COX14: variants seen among roughly 807,000 people sequenced by gnomAD.
COX14 encodes cytochrome c oxidase assembly protein COX14.
Under a neutral mutation model 5.8 loss-of-function variants are expected in COX14, and 3 were observed. The observed-to-expected ratio is 0.51, with a 90% CI of 0.23 to 1.33. COX14 has a LOEUF of 1.33. Ranked by LOEUF, COX14 falls within the 40% of genes most tolerant of loss-of-function variation. The probability of loss-of-function intolerance (pLI) is 0.18; values close to 1 mark genes in which losing one functional copy is unlikely to be tolerated. For missense variants in COX14, 72 were observed against 72.1 expected (o/e 1.00, Z 0.01); for synonymous variants, 25 against 26.1 (o/e 0.96, Z 0.13).
chr12:50,120,153 A>G lies in COX14; in HGVS notation c.110A>G (p.Tyr37Cys), dbSNP rs1158707730. 2 of 1,614,014 alleles carry G rather than the reference A, an allele frequency of 1.2e-6. No individual in the cohort carries two copies. Among genetic ancestry groups the G allele is most frequent in the Non-Finnish European group, 8.5e-7 (1 of 1,180,040 alleles). ...CTCTGCAGTGTCCGAGTCTACCACT[A>G]TTTCCAGTGGCGCAGGGCCCAGCGC... ...GYLCSVRVYHYFQWRRAQRQA... is the reference protein window; with the variant it reads ...GYLCSVRVYHCFQWRRAQRQA... Residue 37 changes from tyrosine (Y) to cysteine (C), a missense_variant, in exon 2 of 2, where the codon TAT becomes TGT. Physicochemically the swap from Tyr to Cys is radical, Grantham distance 194. Transcript: ENST00000550487.
Position 50,120,076 on chromosome 12 carries a change from C to G in COX14, c.33C>G (p.Gly11=). 6.2e-7 allele frequency: 1 copy of G among 1,614,074 alleles called. No homozygotes were observed. Among genetic ancestry groups the G allele is most frequent in the African/African-American group, 1.3e-5 (1 of 75,056 alleles). ...CTGGCAAGCAGCTAGCTGACATTGG[C>G]TATAAGACCTTCTCTACCTCCATGA... is the stretch of plus-strand genomic sequence containing the variant. The part of the protein sequence containing the change: MPTGKQLADI[G]YKTFSTSMML... The change falls in exon 2 of 2, where the codon GGC becomes GGG. Residue 11 remains glycine (G), a synonymous_variant. Transcript: ENST00000550487.
At chr12:50,115,793 C>T (rs1051114008) in intron 1 of COX14, among the ~76,000 whole-genome samples, 6 of 151,916 alleles carry the variant, frequency 3.9e-5, no homozygotes, top group African/African-American at 1.5e-4. Flanking sequence ...CTCAACGATC[C>T]GTCTGTCTTT....
Position 50,112,482 on chromosome 12 carries a change from C to T in COX14, c.-9+181C>T, listed in dbSNP as rs1001360995. On this transcript the variant is annotated intron_variant, in intron 1 of 1. Transcript: ENST00000550487. ...GCACTGCTTCCTGCCCAAGCCCAAGCTCCTCGCAGCAGTAGGTCAGTCTTG... is the reference window on the plus strand; with the variant it reads ...GCACTGCTTCCTGCCCAAGCCCAAGTTCCTCGCAGCAGTAGGTCAGTCTTG... 2.7e-5 allele frequency: 27 copies of T among 985,712 alleles called. No individual in the cohort carries two copies. The African/African-American group carries it at 4.5e-4, about 17-fold the overall frequency. 61.1% of individuals were successfully genotyped at this position (985,712 alleles called of 1,614,324 possible).
chr12:50,113,155 G>A (rs1192593054), intron 1 of COX14, among the ~76,000 whole-genome samples: 2 of 151,864 alleles, frequency 1.3e-5, no homozygotes, highest in East Asian at 3.9e-4. Context: ...GATTACCGGC[G>A]TGAGCCACCG....
Position 50,116,294 on chromosome 12 carries a change from T to C in COX14, c.-8-3742T>C, listed in dbSNP as rs190927466. Reference sequence around the variant, plus strand: ...TTTTAGTAGAGACAGGGTTTTGCCATGTTGGCCAGGCTGGTCTCGAACTCC... The same window carrying C: ...TTTTAGTAGAGACAGGGTTTTGCCACGTTGGCCAGGCTGGTCTCGAACTCC... On this transcript the variant is annotated intron_variant, in intron 1 of 1. Coordinates refer to ENST00000550487, the MANE Select transcript of COX14 (RefSeq NM_032901.4). Among the ~76,000 whole-genome samples, 124 of 152,274 alleles carry C rather than the reference T, an allele frequency of 8.1e-4. 1 individual carries two copies. The highest frequency in any genetic ancestry group is 2.0e-3 in the Admixed American group (30 of 15,294).
At chr12:50,114,085 A>T (rs1378304918) in intron 1 of COX14, among the ~76,000 whole-genome samples, 2 of 151,930 alleles carry the variant, frequency 1.3e-5, no homozygotes, top group Non-Finnish European at 2.9e-5. Flanking sequence ...CTGCAGGTGC[A>T]TGTCACCACA....
chr12:50,118,774 A>G (rs949856532), intron 1 of COX14, among the ~76,000 whole-genome samples: 24 of 152,188 alleles, frequency 1.6e-4, no homozygotes, highest in Admixed American at 3.3e-4. Flanking sequence ...CTCAAAAAAT[A>G]TATCTATATA....
chr12:50,112,394 C>G (rs1275941811), intron 1 of COX14, 93 bp downstream of exon 1: 3 of 985,676 alleles, frequency 3.0e-6, no homozygotes, highest in East Asian at 2.3e-4. Flanking sequence ...CCTCCCATCC[C>G]CTAGTCTGCA....
At chr12:50,118,732 A>G (rs558708814) in intron 1 of COX14, among the ~76,000 whole-genome samples, 2 of 152,168 alleles carry the variant, frequency 1.3e-5, no homozygotes, top group African/African-American at 4.8e-5. Flanking sequence ...GTGCCACTGC[A>G]CTCCAGCCTG....
intron 1 of COX14, among the ~76,000 whole-genome samples, chr12:50,114,052 C>T (rs1405604134): frequency 2.0e-5 from 3 of 151,840 alleles, no homozygotes; most frequent in African/African-American, 7.3e-5. Context: ...AGCCTCCCAC[C>T]CAAACCTCCC....
chr12:50,119,991 A>G, intron 1 of COX14, 45 bp from the exon 2 acceptor site: 1 of 1,478,474 alleles, frequency 6.8e-7, no homozygotes, highest in Non-Finnish European at 9.5e-7. Context: ...TGGGCTGGGC[A>G]GATGAGGCCT....
At chr12:50,116,392 C>A (rs1347915584) in intron 1 of COX14, among the ~76,000 whole-genome samples, 2 of 152,186 alleles carry the variant, frequency 1.3e-5, no homozygotes, top group African/African-American at 4.8e-5. Context: ...TGCGCCCGGC[C>A]TGAAGAGTTT....
chr12:50,118,494 C>T (rs1297359483), intron 1 of COX14: 9 of 932,708 alleles, frequency 9.6e-6, no homozygotes, highest in East Asian at 1.2e-4. Context: ...TTTGGCCAGG[C>T]GCGGTGGCTC....
chr12:50,114,634 A>C (rs781493826), intron 1 of COX14, among the ~76,000 whole-genome samples: 9 of 151,826 alleles, frequency 5.9e-5, no homozygotes, highest in Non-Finnish European at 1.2e-4. Context: ...TTCTGGTCTT[A>C]TCCTCTCCTT....
chr12:50,117,761 T>G (rs1021366370), intron 1 of COX14, among the ~76,000 whole-genome samples: 1 of 150,640 alleles, frequency 6.6e-6, no homozygotes, highest in Non-Finnish European at 1.5e-5. Context: ...TTTTTTTTTT[T>G]TTGAGATGGA....
chr12:50,114,094 C>G (rs1951056421), intron 1 of COX14, among the ~76,000 whole-genome samples: 2 of 151,832 alleles, frequency 1.3e-5, no homozygotes, highest in South Asian at 4.1e-4. Context: ...CATGTCACCA[C>G]ACCCAGCTAT....
At chr12:50,116,585 G>A (rs1197325516) in intron 1 of COX14, among the ~76,000 whole-genome samples, 1 of 152,188 alleles carries the variant, frequency 6.6e-6, no homozygotes, top group Non-Finnish European at 1.5e-5. Context: ...CCTTGGAAGA[G>A]GTGGTCCTAT....
chr12:50,114,547 G>C (rs1951061692), intron 1 of COX14, among the ~76,000 whole-genome samples: 1 of 151,502 alleles, frequency 6.6e-6, no homozygotes, highest in Non-Finnish European at 1.5e-5. Flanking sequence ...CCACTGCGCC[G>C]GGCCTTGGAA....
At chr12:50,114,770 ATTTTTTTT>A (rs71083507) in intron 1 of COX14, among the ~76,000 whole-genome samples, 838 of 70,614 alleles carry the variant, frequency 0.012, 7 homozygotes, top group African/African-American at 0.044. Flanking sequence ...GAGTATCTTA[ATTTTTTTT>A]TTTTTTTTTT....
Sources: allele counts gnomAD v4.1 joint callset (sites outside exome capture counted in the v4.1 genomes callset), GRCh38; gene constraint gnomAD v4.1.1; transcripts MANE v1.5; gene names NCBI Gene and HGNC (gene_info 2026-07-23, HGNC 2026-07-21).